Variants in ZNF385D observed in about 807,000 individuals in gnomAD.
ZNF385D encodes zinc finger protein 659.
In ZNF385D, 15 loss-of-function variants were observed where a neutral mutation model predicts 35.8. That is an observed-to-expected ratio of 0.42 (90% CI 0.28 to 0.64). The LOEUF (loss-of-function observed/expected upper bound fraction) is 0.64, where lower values mean the gene tolerates loss of function less well. ZNF385D is among the 30% of genes least tolerant of loss of function. The pLI, the probability that ZNF385D is intolerant of heterozygous loss-of-function variation, is 0.23. For synonymous variants in ZNF385D, 212 were observed against 186.8 expected (o/e 1.13, Z -1.10); for missense variants, 474 against 494.6 (o/e 0.96, Z 0.39).
At chr3:22,204,656 C>T (rs1697025861) in intron 2 of ZNF385D, among the ~76,000 whole-genome samples, 1 of 151,780 alleles carries the variant, frequency 6.6e-6, no homozygotes. Flanking sequence ...ATATATTTAA[C>T]AAAGATACTG....
At chr3:22,357,218 A>T (rs988501438) in intron 2 of ZNF385D, among the ~76,000 whole-genome samples, 2 of 152,038 alleles carry the variant, frequency 1.3e-5, no homozygotes, top group Non-Finnish European at 2.9e-5. Context: ...ATTGTTTTTA[A>T]GTTTCAGGAA....
At chr3:22,360,617 A>G (rs890547026) in intron 2 of ZNF385D, among the ~76,000 whole-genome samples, 8 of 152,036 alleles carry the variant, frequency 5.3e-5, no homozygotes, top group African/African-American at 1.9e-4. Context: ...TAACAAAGTA[A>G]TGACATGAAG....
At chr3:22,099,364 A>G (rs1701804841) in intron 3 of ZNF385D, among the ~76,000 whole-genome samples, 1 of 152,154 alleles carries the variant, frequency 6.6e-6, no homozygotes, top group Non-Finnish European at 1.5e-5. Flanking sequence ...AAGGGAGCAG[A>G]CCAGGTATGG....
chr3:21,489,341 A>C (rs987793930), intron 4 of ZNF385D, among the ~76,000 whole-genome samples: 2 of 152,116 alleles, frequency 1.3e-5, no homozygotes, highest in African/African-American at 4.8e-5. Flanking sequence ...AGTGGAGCAA[A>C]AAATAGGCAC....
chr3:22,339,902 T>C (rs2125476364), intron 2 of ZNF385D, among the ~76,000 whole-genome samples: 1 of 152,338 alleles, frequency 6.6e-6, no homozygotes, highest in South Asian at 2.1e-4. Context: ...CTACTCAGTT[T>C]CTCCACCTAA....
At chr3:21,655,115 AAC>A (rs1286804391) in intron 2 of ZNF385D, among the ~76,000 whole-genome samples, 6 of 146,692 alleles carry the variant, frequency 4.1e-5, no homozygotes, top group East Asian at 1.9e-4. Context: ...TGCAAAAAAC[AAC>A]AACAACAACA....
intron 3 of ZNF385D, among the ~76,000 whole-genome samples, chr3:21,760,979 TG>T (rs1327158004): frequency 6.6e-6 from 1 of 152,210 alleles, no homozygotes; most frequent in African/African-American, 2.4e-5. Context: ...GTGACTTTAA[TG>T]GTTAGGTCAT....
At chr3:21,963,456 A>G (rs761006427) in intron 3 of ZNF385D, among the ~76,000 whole-genome samples, 39 of 152,160 alleles carry the variant, frequency 2.6e-4, no homozygotes, top group Non-Finnish European at 5.1e-4. Flanking sequence ...TACTGCTTCT[A>G]TCATTATCCA....
intron 3 of ZNF385D, among the ~76,000 whole-genome samples, chr3:22,127,316 G>GTTTTTTTTTT: frequency 1.3e-5 from 1 of 76,050 alleles, no homozygotes; most frequent in African/African-American, 5.4e-5. Context: ...TTCATTTCCT[G>GTTTTTTTTTT]CTTTTTTTTT....
In ZNF385D at chr3:21,510,847, G is replaced by C; in HGVS notation, c.439+14C>G. On this transcript the variant is annotated intron_variant, in intron 4 of 7. Transcript: ENST00000281523. Reference sequence around the variant, plus strand: ...CGACGACGAGGACAACAACAACAAAGATCATTGCTTAACCTGTTTTGTCAG... The same window carrying C: ...CGACGACGAGGACAACAACAACAAACATCATTGCTTAACCTGTTTTGTCAG... 6.2e-7 allele frequency: 1 copy of C among 1,613,730 alleles called. No homozygotes were observed. Among genetic ancestry groups the C allele is most frequent in the Non-Finnish European group, 8.5e-7 (1 of 1,179,688 alleles).
chr3:21,960,303 C>T (rs1702516756), intron 3 of ZNF385D, among the ~76,000 whole-genome samples: 1 of 150,444 alleles, frequency 6.6e-6, no homozygotes, highest in South Asian at 2.1e-4. Context: ...AGAAGACATA[C>T]AAATAAATGG....
In ZNF385D at chr3:22,331,901, G is replaced by A. The variant is rs184570660; in HGVS notation, c.106+40549C>T. 1.0e-3 allele frequency among the ~76,000 whole-genome samples: 152 copies of A among 152,290 alleles called. 1 individual carries two copies. The highest frequency in any genetic ancestry group is 3.5e-3 in the African/African-American group (146 of 41,574). ...ATAGTAACTTTCAAAAAATATGTAT[G>A]TGGATTCCTGGCACAGGCACTTGAT... is the stretch of plus-strand genomic sequence containing the variant. On this transcript the variant is annotated intron_variant, in intron 2 of 5. Coordinates refer to the ZNF385D transcript ENST00000494108.
intron 3 of ZNF385D, among the ~76,000 whole-genome samples, chr3:21,774,720 G>T (rs1214647860): frequency 6.6e-6 from 1 of 151,898 alleles, no homozygotes; most frequent in Non-Finnish European, 1.5e-5. Flanking sequence ...AGGAGTAGAT[G>T]TAATTAAGAA....
chr3:21,642,636 A>G (rs192102321), intron 2 of ZNF385D, among the ~76,000 whole-genome samples: 1 of 152,286 alleles, frequency 6.6e-6, no homozygotes, highest in East Asian at 1.9e-4. Flanking sequence ...TGACTCAGAC[A>G]TATATTTGCA....
intron 3 of ZNF385D, among the ~76,000 whole-genome samples, chr3:21,997,348 G>A (rs920246462): frequency 6.6e-6 from 1 of 152,070 alleles, no homozygotes; most frequent in Non-Finnish European, 1.5e-5. Flanking sequence ...GGGGTCTGTC[G>A]TGTGGTGGGG....
chr3:22,069,496 CAATAAT>C (rs1408079361), intron 3 of ZNF385D, among the ~76,000 whole-genome samples: 2 of 152,066 alleles, frequency 1.3e-5, no homozygotes, highest in East Asian at 3.8e-4. Context: ...GTAACATAAA[CAATAAT>C]AATGGCATGC....
At chr3:22,127,264 C>T (rs893356815) in intron 3 of ZNF385D, among the ~76,000 whole-genome samples, 1 of 147,698 alleles carries the variant, frequency 6.8e-6, no homozygotes, top group African/African-American at 2.5e-5. Flanking sequence ...TCCTTCTGTC[C>T]TATATTCTTT....
intron 2 of ZNF385D, among the ~76,000 whole-genome samples, chr3:22,285,530 CTTTA>C (rs112792651): frequency 0.054 from 8,186 of 151,980 alleles, 284 homozygotes; most frequent in African/African-American, 0.095. Flanking sequence ...TATTCAATAA[CTTTA>C]TTTATTTTTT....
chr3:21,801,750 T>A (rs545466512), intron 3 of ZNF385D, among the ~76,000 whole-genome samples: 1 of 152,242 alleles, frequency 6.6e-6, no homozygotes, highest in South Asian at 2.1e-4. Context: ...AGCTGAAAAC[T>A]CATAATGCTC....
Sources: allele counts gnomAD v4.1 joint callset (sites outside exome capture counted in the v4.1 genomes callset), GRCh38; gene constraint gnomAD v4.1.1; transcripts MANE v1.5; gene names NCBI Gene and HGNC (gene_info 2026-07-23, HGNC 2026-07-21).